ZNF536: variants seen among roughly 807,000 people sequenced by gnomAD.
ZNF536 encodes the protein zinc finger protein 536.
In ZNF536, 13 loss-of-function variants were observed where a neutral mutation model predicts 84.5. That is an observed-to-expected ratio of 0.15 (90% confidence interval 0.10 to 0.24). The LOEUF is 0.24. Ranked by LOEUF, ZNF536 falls within the 10% of genes least tolerant of loss-of-function variation. The pLI is 1.00. For synonymous variants in ZNF536, 811 were observed against 742.5 expected (o/e 1.09, Z -1.50); for missense variants, 1,536 against 1,747.5 (o/e 0.88, Z 2.16).
At chr19:30,596,349 A>G (rs1164663709) in intron 1 of ZNF536, among the ~76,000 whole-genome samples, 1 of 152,238 alleles carries the variant, frequency 6.6e-6, no homozygotes, top group African/African-American at 2.4e-5. Context: ...AAAGTGACAC[A>G]TTAAAAGATG....
At chr19:30,509,325 G>A (rs1239104768) in intron 2 of ZNF536, among the ~76,000 whole-genome samples, 2 of 144,928 alleles carry the variant, frequency 1.4e-5, no homozygotes, top group East Asian at 2.0e-4. Context: ...ATATAACTAC[G>A]TATGTATAAG....
intron 1 of ZNF536, among the ~76,000 whole-genome samples, chr19:30,610,027 C>T (rs2147033510): frequency 6.6e-6 from 1 of 152,236 alleles, no homozygotes; most frequent in South Asian, 2.1e-4. Flanking sequence ...TCCATCCATG[C>T]ATTCAGCCAT....
chr19:30,497,868 C>G (rs1197121029), intron 2 of ZNF536, among the ~76,000 whole-genome samples: 1 of 152,182 alleles, frequency 6.6e-6, no homozygotes, highest in South Asian at 2.1e-4. Flanking sequence ...ATTCCAGAGA[C>G]ACCCTCAGAA....
At chr19:30,248,224 C>CTTTT (rs58799737) in intron 1 of ZNF536, among the ~76,000 whole-genome samples, 4,664 of 130,918 alleles carry the variant, frequency 0.036, 157 homozygotes, top group East Asian at 0.073. Context: ...TCTTTTCTTT[C>CTTTT]TTTTTTTTTT....
At chr19:30,402,791 TAAAA>T (rs1265624736) in intron 1 of ZNF536, among the ~76,000 whole-genome samples, 4 of 24,372 alleles carry the variant, frequency 1.6e-4, no homozygotes, top group South Asian at 3.1e-3. Flanking sequence ...TTTTTAAAAT[TAAAA>T]AATATATATA....
intron 4 of ZNF536, among the ~76,000 whole-genome samples, chr19:30,550,175 A>G (rs1457099810): frequency 6.6e-6 from 1 of 152,186 alleles, no homozygotes; most frequent in Non-Finnish European, 1.5e-5. Context: ...AGACATGTAC[A>G]TTGTGAAGTC....
intron 1 of ZNF536, among the ~76,000 whole-genome samples, chr19:30,244,769 G>C (rs1217644342): frequency 6.6e-6 from 1 of 152,184 alleles, no homozygotes; most frequent in African/African-American, 2.4e-5. Context: ...CCAGGATCGG[G>C]GTGGCGATGT....
intron 1 of ZNF536, among the ~76,000 whole-genome samples, chr19:30,275,884 GACT>G (rs2026103348): frequency 6.6e-6 from 1 of 151,850 alleles, no homozygotes; most frequent in Non-Finnish European, 1.5e-5. Flanking sequence ...CTGCTTCCTG[GACT>G]ACATTTCTTT....
chr19:30,411,067 G>T (rs1406215708), intron 1 of ZNF536, among the ~76,000 whole-genome samples: 1 of 152,070 alleles, frequency 6.6e-6, no homozygotes, highest in Admixed American at 6.6e-5. Context: ...GTCAATGATT[G>T]AATCATTTCC....
At chr19:30,373,250 G>A (rs1375394295) in intron 1 of ZNF536, among the ~76,000 whole-genome samples, 4 of 152,032 alleles carry the variant, frequency 2.6e-5, no homozygotes, top group Non-Finnish European at 4.4e-5. Context: ...CACTGGCCAG[G>A]CCCTCATCCT....
At chr19:30,638,995 T>C (rs954400784) in intron 1 of ZNF536, among the ~76,000 whole-genome samples, 13 of 152,246 alleles carry the variant, frequency 8.5e-5, no homozygotes, top group Admixed American at 3.3e-4. Flanking sequence ...ATCTATTTTC[T>C]TAAATATATC....
chr19:30,345,094 C>G (rs889195002), intron 2 of ZNF536, among the ~76,000 whole-genome samples: 1 of 152,222 alleles, frequency 6.6e-6, no homozygotes, highest in Admixed American at 6.5e-5. Context: ...AATTCATGAT[C>G]TCCTTTAGTT....
chr19:30,335,846 G>A (rs1448761631), intron 2 of ZNF536, among the ~76,000 whole-genome samples: 2 of 152,186 alleles, frequency 1.3e-5, no homozygotes, highest in Non-Finnish European at 1.5e-5. Context: ...TCAATACTGG[G>A]CTGTCCAGGA....
chr19:30,412,042 G>GT (rs201056147), intron 1 of ZNF536, among the ~76,000 whole-genome samples: 1,496 of 147,646 alleles, frequency 0.01, 13 homozygotes, highest in Middle Eastern at 0.035. Flanking sequence ...ACTTACAATT[G>GT]TTTTTTTTTA....
intron 1 of ZNF536, among the ~76,000 whole-genome samples, chr19:30,438,604 G>C (rs1394346141): frequency 6.6e-6 from 1 of 152,182 alleles, no homozygotes; most frequent in Non-Finnish European, 1.5e-5. Context: ...CTCACTCCCT[G>C]GTGGGCTGGG....
At chr19:30,446,808 A>G (rs2052369329) in intron 2 of ZNF536, among the ~76,000 whole-genome samples, 1 of 132,692 alleles carries the variant, frequency 7.5e-6, no homozygotes, top group Non-Finnish European at 1.6e-5. Context: ...TAAAAAAAAA[A>G]CCAAAACAAC....
At chr19:30,338,670 T>G (rs982030766) in intron 2 of ZNF536, among the ~76,000 whole-genome samples, 3 of 152,136 alleles carry the variant, frequency 2.0e-5, no homozygotes, top group Non-Finnish European at 2.9e-5. Flanking sequence ...TTCCCTCATA[T>G]CTGCAGGGGG....
At chr19:30,261,974 C>T (rs1275756604) in intron 1 of ZNF536, among the ~76,000 whole-genome samples, 1 of 152,152 alleles carries the variant, frequency 6.6e-6, no homozygotes, top group African/African-American at 2.4e-5. Flanking sequence ...CTCTTCACAT[C>T]TCAGGCTGCT....
intron 2 of ZNF536, among the ~76,000 whole-genome samples, chr19:30,332,916 T>C (rs1203406192): frequency 1.3e-5 from 2 of 152,250 alleles, no homozygotes; most frequent in East Asian, 3.9e-4. Flanking sequence ...CCCATGTCTC[T>C]ACAAAAAATA....
Sources: allele counts gnomAD v4.1 joint callset (sites outside exome capture counted in the v4.1 genomes callset), GRCh38; gene constraint gnomAD v4.1.1; transcripts MANE v1.5; gene names NCBI Gene and HGNC (gene_info 2026-07-23, HGNC 2026-07-21).